The following FOXP2 variants were observed in gnomAD, a reference collection of about 807,000 sequenced individuals.
FOXP2 encodes the protein forkhead box protein P2.
FOXP2 carries 12 observed loss-of-function variants against 115.8 expected under a neutral mutation model. The ratio of observed to expected loss-of-function variants is 0.10; its 90% CI spans 0.07 to 0.17. The LOEUF is 0.17. FOXP2 is among the 10% of genes least tolerant of loss of function. The probability of loss-of-function intolerance (pLI) is 1.00; values close to 1 mark genes in which losing one functional copy is unlikely to be tolerated. For missense variants in FOXP2, 629 were observed against 843.5 expected (o/e 0.75, Z 3.15); for synonymous variants, 328 against 297.7 (o/e 1.10, Z -1.05).
intron 2 of FOXP2, among the ~76,000 whole-genome samples, chr7:114,437,849 C>CTCAGT (rs1283847250): frequency 2.0e-5 from 3 of 152,044 alleles, no homozygotes; most frequent in Non-Finnish European, 2.9e-5. Context: ...CTCAGTTCTG[C>CTCAGT]TCAGTTCAGT....
At chr7:114,630,751 C>G (rs963265822) in intron 5 of FOXP2, 5 of 152,944 alleles carry the variant, frequency 3.3e-5, no homozygotes, top group African/African-American at 1.2e-4. Flanking sequence ...AAATTGCTCC[C>G]TTATTTCTCC....
At chr7:114,352,931 A>G (rs1276393239) in intron 2 of FOXP2, among the ~76,000 whole-genome samples, 2 of 152,162 alleles carry the variant, frequency 1.3e-5, no homozygotes, top group Non-Finnish European at 2.9e-5. Context: ...AATTTGACGG[A>G]CCAGGAAATA....
At chr7:114,096,868 G>A (rs1799664029) in intron 1 of FOXP2, among the ~76,000 whole-genome samples, 1 of 151,904 alleles carries the variant, frequency 6.6e-6, no homozygotes, top group Non-Finnish European at 1.5e-5. Context: ...TCTTATGGGA[G>A]GATATTTTAA....
intron 2 of FOXP2, among the ~76,000 whole-genome samples, chr7:114,452,105 G>A (rs983544614): frequency 6.6e-6 from 1 of 151,862 alleles, no homozygotes; most frequent in Non-Finnish European, 1.5e-5. Context: ...TAAATTTGTA[G>A]TACCATATTC....
chr7:114,471,417 A>AC lies in FOXP2; in HGVS notation c.168+44740dup, dbSNP rs201725028. Among the ~76,000 whole-genome samples the AC allele has an allele frequency of 5.8e-3, 888 of 152,200 alleles. 7 individuals are homozygous for AC. The highest frequency in any genetic ancestry group is 0.02 in the African/African-American group (824 of 41,528). On this transcript the variant is annotated intron_variant, in intron 2 of 16. Coordinates refer to ENST00000350908, the MANE Select transcript of FOXP2 (RefSeq NM_014491.4). The stretch of plus-strand genomic sequence containing the variant: ...CATGACACTTTGCATCAGCTAATCA[A>AC]CCTGACACATACCTTAATATCTCTG...
chr7:114,587,027 A>G (rs561845471), intron 3 of FOXP2, among the ~76,000 whole-genome samples: 1 of 151,500 alleles, frequency 6.6e-6, no homozygotes, highest in East Asian at 1.9e-4. Context: ...GTAGGTATTC[A>G]TTATTTATTT....
At chr7:114,429,360 A>C (rs1794005806) in intron 2 of FOXP2, among the ~76,000 whole-genome samples, 1 of 151,412 alleles carries the variant, frequency 6.6e-6, no homozygotes. Context: ...ATGCTCTGCT[A>C]TCTTATATTT....
At chr7:114,315,763 T>C (rs1276988808) in intron 2 of FOXP2, among the ~76,000 whole-genome samples, 1 of 152,156 alleles carries the variant, frequency 6.6e-6, no homozygotes. Flanking sequence ...GCTAGGTTCC[T>C]GTAAGACCCT....
At chr7:114,611,658 A>C (rs1454883427) in intron 3 of FOXP2, among the ~76,000 whole-genome samples, 2 of 152,228 alleles carry the variant, frequency 1.3e-5, no homozygotes, top group South Asian at 4.1e-4. Flanking sequence ...TTTTCTGTGC[A>C]TCTCCATCCC....
At chr7:114,580,655 G>C (rs1429216988) in intron 3 of FOXP2, among the ~76,000 whole-genome samples, 1 of 152,080 alleles carries the variant, frequency 6.6e-6, no homozygotes, top group African/African-American at 2.4e-5. Flanking sequence ...ATTTTTAAAA[G>C]CATGTTGACA....
chr7:114,336,365 A>T (rs1797854544), intron 2 of FOXP2, among the ~76,000 whole-genome samples: 1 of 151,592 alleles, frequency 6.6e-6, no homozygotes, highest in Non-Finnish European at 1.5e-5. Flanking sequence ...TCTTAAAGGT[A>T]TATACTAGGC....
intron 1 of FOXP2, among the ~76,000 whole-genome samples, chr7:114,116,885 T>C (rs1424617752): frequency 6.6e-6 from 1 of 152,154 alleles, no homozygotes; most frequent in Non-Finnish European, 1.5e-5. Context: ...CACTACCTGC[T>C]CTGAATCTCA....
At chr7:114,516,219 T>A (rs1215941587) in intron 2 of FOXP2, among the ~76,000 whole-genome samples, 1 of 151,928 alleles carries the variant, frequency 6.6e-6, no homozygotes, top group East Asian at 1.9e-4. Context: ...GAGATATAGA[T>A]CAATGGAACA....
At chr7:114,108,000 A>G (rs552570871) in intron 1 of FOXP2, among the ~76,000 whole-genome samples, 1 of 152,108 alleles carries the variant, frequency 6.6e-6, no homozygotes, top group East Asian at 1.9e-4. Context: ...GAAAGTAAAA[A>G]TAAAGCCAAA....
chr7:114,320,548 A>G (rs1667714226), intron 2 of FOXP2, among the ~76,000 whole-genome samples: 1 of 152,156 alleles, frequency 6.6e-6, no homozygotes, highest in Admixed American at 6.5e-5. Flanking sequence ...ATTCACAGGG[A>G]TCTAAAACAT....
intron 1 of FOXP2, among the ~76,000 whole-genome samples, chr7:114,092,981 C>T (rs1424927215): frequency 6.6e-6 from 1 of 152,142 alleles, no homozygotes; most frequent in Non-Finnish European, 1.5e-5. Context: ...GTGGCAATAA[C>T]TACTTAGTTG....
At chr7:114,176,099 T>C (rs1361658549) in intron 1 of FOXP2, among the ~76,000 whole-genome samples, 1 of 152,148 alleles carries the variant, frequency 6.6e-6, no homozygotes, top group African/African-American at 2.4e-5. Flanking sequence ...TCATATCAAA[T>C]CTACCTCTGA....
chr7:114,636,735 A>G (rs1805242712), intron 6 of FOXP2, among the ~76,000 whole-genome samples: 1 of 152,090 alleles, frequency 6.6e-6, no homozygotes, highest in South Asian at 2.1e-4. Context: ...AGCATTTTCA[A>G]AGCTGTGTTG....
intron 2 of FOXP2, among the ~76,000 whole-genome samples, chr7:114,404,695 T>A (rs1435606413): frequency 2.6e-5 from 4 of 152,076 alleles, no homozygotes; most frequent in African/African-American, 9.6e-5. Context: ...CTGCTTTGAT[T>A]TTTGTCAGTT....
Sources: allele counts gnomAD v4.1 joint callset (sites outside exome capture counted in the v4.1 genomes callset), GRCh38; gene constraint gnomAD v4.1.1; transcripts MANE v1.5; gene names NCBI Gene and HGNC (gene_info 2026-07-23, HGNC 2026-07-21).